RBM20: variants seen among roughly 807,000 people sequenced by gnomAD.
RBM20 encodes RNA-binding protein 20.
A neutral mutation model predicts 110.1 loss-of-function variants in RBM20; 51 were observed. The ratio of observed to expected loss-of-function variants is 0.46; its 90% CI spans 0.37 to 0.59. The LOEUF is 0.59. Ranked by LOEUF, RBM20 falls within the 20% of genes least tolerant of loss-of-function variation. RBM20 has a pLI of 0.00. For synonymous variants in RBM20, 589 were observed against 618.2 expected (o/e 0.95, Z 0.70); for missense variants, 1,512 against 1,574.9 (o/e 0.96, Z 0.68).
intron 1 of RBM20, among the ~76,000 whole-genome samples, chr10:110,743,698 C>T (rs1297334400): frequency 1.3e-5 from 2 of 152,176 alleles, no homozygotes; most frequent in Non-Finnish European, 2.9e-5. Context: ...CTCACTGCAA[C>T]CTCTGCCTCC....
At chr10:110,734,233 T>G (rs188750808) in intron 1 of RBM20, among the ~76,000 whole-genome samples, 1 of 152,340 alleles carries the variant, frequency 6.6e-6, no homozygotes, top group Admixed American at 6.5e-5. Flanking sequence ...CAGGAGAAAC[T>G]GATTCGTGCT....
chr10:110,699,688 A>G (rs10749045), intron 1 of RBM20, among the ~76,000 whole-genome samples: 106,272 of 151,974 alleles, frequency 0.7, 37,686 homozygotes, highest in East Asian at 1. Flanking sequence ...TTATCCATGG[A>G]GGATATGTTC....
intron 9 of RBM20, 106 bp from the exon 10 acceptor site, chr10:110,819,966 T>G: frequency 1.5e-6 from 1 of 653,756 alleles, no homozygotes; most frequent in Non-Finnish European, 2.6e-6. Flanking sequence ...ATGCTGTATG[T>G]GAAACCTATC....
intron 1 of RBM20, among the ~76,000 whole-genome samples, chr10:110,758,465 C>T (rs1273921153): frequency 1.3e-5 from 2 of 152,112 alleles, no homozygotes; most frequent in Admixed American, 6.5e-5. Context: ...GGAGTCCACA[C>T]GCCCATACAA....
intron 1 of RBM20, among the ~76,000 whole-genome samples, chr10:110,691,414 A>G (rs150013444): frequency 5.9e-5 from 9 of 152,340 alleles, no homozygotes; most frequent in Admixed American, 1.3e-4. Context: ...AGAGGATTCC[A>G]ATATCTCTAC....
At chr10:110,822,451 G>A (rs1168363909) in intron 11 of RBM20, 1 of 457,032 alleles carries the variant, frequency 2.2e-6, no homozygotes, top group South Asian at 1.5e-5. Context: ...TACAAGACTT[G>A]TTTCAGGATA....
At chr10:110,760,523 CT>C (rs1251730527) in intron 1 of RBM20, among the ~76,000 whole-genome samples, 3 of 136,994 alleles carry the variant, frequency 2.2e-5, no homozygotes, top group African/African-American at 8.2e-5. Context: ...TCACTGCAAT[CT>C]CTGCCTCCTG....
At chr10:110,723,526 A>G (rs560097283) in intron 1 of RBM20, among the ~76,000 whole-genome samples, 2 of 152,380 alleles carry the variant, frequency 1.3e-5, no homozygotes, top group East Asian at 1.9e-4. Context: ...TGGCTACACC[A>G]TTTTACACCA....
chr10:110,773,851 T>C (rs2135028118), intron 1 of RBM20, among the ~76,000 whole-genome samples: 1 of 152,302 alleles, frequency 6.6e-6, no homozygotes, highest in South Asian at 2.1e-4. Context: ...TCTGAGACTG[T>C]GCTCTGCCTG....
intron 1 of RBM20, among the ~76,000 whole-genome samples, chr10:110,755,425 T>C (rs1421392272): frequency 6.6e-6 from 1 of 152,234 alleles, no homozygotes; most frequent in Non-Finnish European, 1.5e-5. Context: ...TCAGTGTTTT[T>C]ATGGTTACTT....
At chr10:110,814,652 C>T (rs572064088) in intron 9 of RBM20, among the ~76,000 whole-genome samples, 3 of 152,056 alleles carry the variant, frequency 2.0e-5, no homozygotes, top group Non-Finnish European at 4.4e-5. Flanking sequence ...TGCGCCACCA[C>T]GCCCGGCTAA....
intron 13 of RBM20, among the ~76,000 whole-genome samples, chr10:110,834,100 C>T (rs1447879356): frequency 1.3e-5 from 2 of 152,210 alleles, no homozygotes; most frequent in Non-Finnish European, 2.9e-5. Context: ...TGCAAGAACC[C>T]ACCCAGAGTG....
chr10:110,786,554 A>G (rs12260449), intron 5 of RBM20, among the ~76,000 whole-genome samples: 2,978 of 152,316 alleles, frequency 0.02, 77 homozygotes, highest in African/African-American at 0.068. Context: ...GGAAGCCCAC[A>G]TTTTGGTGAA....
chr10:110,687,631 G>C (rs374695963), intron 1 of RBM20, among the ~76,000 whole-genome samples: 4 of 152,182 alleles, frequency 2.6e-5, no homozygotes, highest in African/African-American at 9.7e-5. Context: ...GTGATTTTGC[G>C]TAACAAACCA....
chr10:110,792,655 A>C (rs1275098645), intron 5 of RBM20, among the ~76,000 whole-genome samples: 1 of 152,174 alleles, frequency 6.6e-6, no homozygotes, highest in Non-Finnish European at 1.5e-5. Flanking sequence ...ACTTGACATG[A>C]GTCTGTTCTC....
intron 1 of RBM20, among the ~76,000 whole-genome samples, chr10:110,675,780 T>G (rs558832078): frequency 6.6e-6 from 1 of 152,336 alleles, no homozygotes; most frequent in East Asian, 1.9e-4. Context: ...GGAAATTACT[T>G]CTCTGAGCCT....
At chr10:110,734,390 C>T (rs553856862) in intron 1 of RBM20, among the ~76,000 whole-genome samples, 4 of 152,328 alleles carry the variant, frequency 2.6e-5, no homozygotes, top group African/African-American at 7.2e-5. Flanking sequence ...TCTGGGCACT[C>T]ATACACATTT....
intron 1 of RBM20, among the ~76,000 whole-genome samples, chr10:110,702,297 T>C (rs963135072): frequency 3.9e-5 from 6 of 152,236 alleles, no homozygotes; most frequent in African/African-American, 1.2e-4. Flanking sequence ...CCCAACATTT[T>C]GCTAGGCCTA....
At chr10:110,746,432 A>G (rs1843781442) in intron 1 of RBM20, among the ~76,000 whole-genome samples, 1 of 152,232 alleles carries the variant, frequency 6.6e-6, no homozygotes, top group Non-Finnish European at 1.5e-5. Flanking sequence ...AACATTTAGT[A>G]TGGCTGTACC....
Sources: allele counts gnomAD v4.1 joint callset (sites outside exome capture counted in the v4.1 genomes callset), GRCh38; gene constraint gnomAD v4.1.1; transcripts MANE v1.5; gene names NCBI Gene and HGNC (gene_info 2026-07-23, HGNC 2026-07-21).